Variants in BLID observed in about 807,000 individuals in gnomAD.
BLID encodes BH3-like motif-containing cell death inducer.
For missense variants in BLID, 136 were observed against 127.9 expected, an observed-to-expected ratio of 1.06 and a Z score of -0.31; for synonymous variants, 47 against 49.6, an observed-to-expected ratio of 0.95 and a Z score of 0.22.
At position 122,115,620 on chromosome 11, in the gene BLID, G is replaced by A; in HGVS notation, c.303C>T (p.Cys101=). 2 of 1,613,714 alleles carry A rather than the reference G, an allele frequency of 1.2e-6. No homozygotes were observed. The highest frequency in any genetic ancestry group is 1.7e-6 in the Non-Finnish European group (2 of 1,179,592). The change falls in exon 1 of 1, where the codon TGC becomes TGT. Residue 101 remains cysteine (C), a synonymous_variant. Coordinates refer to ENST00000560104, the MANE Select transcript of BLID (RefSeq NM_001001786.3). ...YLTRIQVTLL[C]NSSAEAL is the part of the protein sequence containing the mutation. ...TTTACAGGGCCTCAGCAGAGGAATT[G>A]CATAACAATGTAACTTGTATCCTGG... is the stretch of plus-strand genomic sequence containing the variant.
Position 122,115,397 on chromosome 11 carries a change from C to T in BLID, c.*199G>A. On this transcript the variant is annotated 3_prime_UTR_variant, in exon 1 of 1. Transcript: ENST00000560104. ...TAAATGCCATTTACTTTTAACTAGC[C>T]AGTTTATCCTTTTTAAAAATTTTAT... is the stretch of plus-strand genomic sequence containing the variant. 4 of 511,660 alleles carry T rather than the reference C, an allele frequency of 7.8e-6. No individual in the cohort carries two copies. Among genetic ancestry groups the T allele is most frequent in the East Asian group, 3.0e-5 (1 of 33,376 alleles). 31.7% of individuals were successfully genotyped at this position (511,660 alleles called of 1,614,324 possible).
At position 122,115,693 on chromosome 11, in the gene BLID, A is replaced by G; in HGVS notation, c.230T>C (p.Met77Thr). The G allele has an allele frequency of 6.2e-7, 1 of 1,614,068 alleles. No homozygotes were observed. Residue 77 changes from methionine (M) to threonine (T), a missense_variant, in exon 1 of 1, where the codon ATG becomes ACG. Transcript: ENST00000560104. ...CACATGTCCAGGAACATTCCGCTTC[A>G]TGGCAGAGGAGCCAAGATTGTACCT... is the stretch of plus-strand genomic sequence containing the variant. ...LKRYNLGSSA[M>T]KRNVPGHVLQ...
rs1423130033 is a variant in BLID at position 122,115,526 on chromosome 11, T to C, written c.*70A>G. 2 of 1,046,214 alleles carry C rather than the reference T, an allele frequency of 1.9e-6. No individual in the cohort carries two copies. The highest frequency in any genetic ancestry group is 1.5e-6 in the Non-Finnish European group (1 of 689,390). 64.8% of individuals were successfully genotyped at this position (1,046,214 alleles called of 1,614,324 possible). ...CTTATTGAAATCAAGTTTCCTTCTG[T>C]GTTGTGCAGCCTGAATAATGGGCGA... is the stretch of plus-strand genomic sequence containing the variant. On this transcript the variant is annotated 3_prime_UTR_variant, in exon 1 of 1. Coordinates refer to ENST00000560104, the MANE Select transcript of BLID (RefSeq NM_001001786.3).
chr11:122,115,751 T>C lies in BLID; in HGVS notation c.172A>G (p.Met58Val), dbSNP rs146932754. ...EALLGSNKEP[M>V]LPKETVLSLK... ...GAAAGCACTGTTTCCTTAGGCAACA[T>C]AGGTTCTTTGTTGGAACCCAAGAGC... The change falls in exon 1 of 1, where the codon ATG (methionine) becomes GTG (valine). Residue 58 changes from methionine (M) to valine (V), a missense_variant. Met to Val is a conservative substitution (Grantham distance 21, BLOSUM62 1). Transcript: ENST00000560104. The C allele has an allele frequency of 3.1e-6, 5 of 1,614,184 alleles. No homozygotes were observed. The highest frequency in any genetic ancestry group is 1.7e-5 in the Admixed American group (1 of 60,032).
chr11:122,115,772 A>G lies in BLID; in HGVS notation c.151T>C (p.Leu51=). Residue 51 remains leucine, a synonymous_variant, in exon 1 of 1, where the codon TTG becomes CTG. Transcript: ENST00000560104. ...AACATAGGTTCTTTGTTGGAACCCA[A>G]GAGCGCCTCCAGTGGCAGGCGTGCT... ...AKARLPLEAL[L]GSNKEPMLPK... is the part of the protein sequence containing the mutation. 1 of 1,614,196 alleles carries G rather than the reference A, an allele frequency of 6.2e-7. No homozygotes were observed. The highest frequency in any genetic ancestry group is 8.5e-7 in the Non-Finnish European group (1 of 1,180,018).
chr11:122,115,702 G>A lies in BLID; in HGVS notation c.221C>T (p.Ser74Phe). The change falls in exon 1 of 1, where the codon TCC (serine) becomes TTC (phenylalanine). Residue 74 changes from serine to phenylalanine, a missense_variant. Coordinates refer to ENST00000560104, the MANE Select transcript of BLID (RefSeq NM_001001786.3). ...VLSLKRYNLG[S>F]SAMKRNVPGH... ...AGGAACATTCCGCTTCATGGCAGAG[G>A]AGCCAAGATTGTACCTTTTAAGAGA... The A allele has an allele frequency of 6.2e-7, 1 of 1,614,146 alleles. No individual in the cohort carries two copies. The highest frequency in any genetic ancestry group is 8.5e-7 in the Non-Finnish European group (1 of 1,179,968).
Position 122,115,515 on chromosome 11 carries a change from G to T in BLID, c.*81C>A. On this transcript the variant is annotated 3_prime_UTR_variant, in exon 1 of 1. Coordinates refer to ENST00000560104, the MANE Select transcript of BLID (RefSeq NM_001001786.3). ...AAGAATTGGGTCTTATTGAAATCAA[G>T]TTTCCTTCTGTGTTGTGCAGCCTGA... The T allele has an allele frequency of 1.0e-6, 1 of 961,932 alleles. No homozygotes were observed. Among genetic ancestry groups the T allele is most frequent in the Non-Finnish European group, 1.6e-6 (1 of 625,216 alleles). The allele number at this position is 961,932 out of a possible 1,614,324, so 59.6% of individuals were successfully genotyped here. A position where few individuals can be genotyped will look rare whatever the true frequency, so the allele number is the denominator to read the frequency against.
Position 122,115,649 on chromosome 11 carries a change from A to T in BLID, c.274T>A (p.Leu92Ile), listed in dbSNP as rs371077829. 1 of 1,614,020 alleles carries T rather than the reference A, an allele frequency of 6.2e-7. No individual in the cohort carries two copies. Among genetic ancestry groups the T allele is most frequent in the African/African-American group, 1.3e-5 (1 of 74,934 alleles). ...PGHVLQRPSY[L>I]TRIQVTLLCN... The stretch of plus-strand genomic sequence containing the variant: ...AACAATGTAACTTGTATCCTGGTTA[A>T]ATAGGAAGGTCTCTGAAGCACATGT... Residue 92 changes from leucine (L) to isoleucine (I), a missense_variant, in exon 1 of 1, where the codon TTA becomes ATA. Coordinates refer to ENST00000560104, the MANE Select transcript of BLID (RefSeq NM_001001786.3).
chr11:122,116,088 T>C lies in BLID; in HGVS notation c.-166A>G, dbSNP rs771064164. On this transcript the variant is annotated 5_prime_UTR_variant, in exon 1 of 1. Transcript: ENST00000560104. ...TTCCTCCTCTTCCTTTCTTCCCAGC[T>C]CCTGCTATTCATGGAATTTCCCTTG... The C allele has an allele frequency of 1.7e-6, 1 of 583,960 alleles. No homozygotes were observed. Among genetic ancestry groups the C allele is most frequent in the Non-Finnish European group, 3.1e-6 (1 of 326,100 alleles). The allele number at this position is 583,960 out of a possible 1,614,324, so 36.2% of individuals were successfully genotyped here.
Position 122,115,846 on chromosome 11 carries a change from G to A in BLID, c.77C>T (p.Thr26Ile). Residue 26 changes from threonine (T) to isoleucine (I), a missense_variant, in exon 1 of 1, where the codon ACA (threonine) becomes ATA (isoleucine). Physicochemically the swap from Thr to Ile is moderately conservative, Grantham distance 89. Coordinates refer to ENST00000560104, the MANE Select transcript of BLID (RefSeq NM_001001786.3). ...EILESECVLY[T>I]GWIERASGSS... is the part of the protein sequence containing the mutation. ...GCCAGAGGCTCGCTCTATCCATCCT[G>A]TGTAGAGCACACACTCAGATTCTAG... The A allele has an allele frequency of 6.2e-7, 1 of 1,613,682 alleles. No homozygotes were observed. The highest frequency in any genetic ancestry group is 8.5e-7 in the Non-Finnish European group (1 of 1,179,608).
At position 122,116,129 on chromosome 11, in the gene BLID, T is replaced by C; in HGVS notation, c.-207A>G. ...ATTTCCCTTGATTTCAAGTGGCTAC[T>C]CACCAAAATCCTCAACTGAAAACAG... On this transcript the variant is annotated 5_prime_UTR_variant, in exon 1 of 1. Coordinates refer to ENST00000560104, the MANE Select transcript of BLID (RefSeq NM_001001786.3). The C allele has an allele frequency of 1.8e-6, 1 of 551,414 alleles. No homozygotes were observed. The highest frequency in any genetic ancestry group is 2.9e-5 in the East Asian group (1 of 34,168). 34.2% of individuals were successfully genotyped at this position (551,414 alleles called of 1,614,324 possible).
In BLID at chr11:122,115,716, C is replaced by T. The variant is rs767460237; in HGVS notation, c.207G>A (p.Arg69=). Residue 69 remains arginine, a synonymous_variant, in exon 1 of 1, where the codon AGG becomes AGA. Coordinates refer to ENST00000560104, the MANE Select transcript of BLID (RefSeq NM_001001786.3). The part of the protein sequence containing the change: ...LPKETVLSLK[R]YNLGSSAMKR... ...TCATGGCAGAGGAGCCAAGATTGTA[C>T]CTTTTAAGAGAAAGCACTGTTTCCT... 11 of 1,614,150 alleles carry T rather than the reference C, an allele frequency of 6.8e-6. No individual in the cohort carries two copies. The highest frequency in any genetic ancestry group is 8.5e-6 in the Non-Finnish European group (10 of 1,180,004).
At position 122,115,833 on chromosome 11, in the gene BLID, C is replaced by T. The variant is rs766873068; in HGVS notation, c.90G>A (p.Glu30=). Residue 30 remains glutamate (E), a synonymous_variant, in exon 1 of 1, where the codon GAG becomes GAA. Coordinates refer to ENST00000560104, the MANE Select transcript of BLID (RefSeq NM_001001786.3). ...SECVLYTGWI[E]RASGSSIYPE... ...GATAAATGGAACTGCCAGAGGCTCG[C>T]TCTATCCATCCTGTGTAGAGCACAC... 9.3e-6 allele frequency: 15 copies of T among 1,614,010 alleles called. No individual in the cohort carries two copies. The highest frequency in any genetic ancestry group is 1.3e-5 in the Non-Finnish European group (15 of 1,179,988).
Position 122,115,802 on chromosome 11 carries a change from C to G in BLID, c.121G>C (p.Ala41Pro). ...GCCTCCAGTGGCAGGCGTGCTTTTGCCTCTGGATAAATGGAACTGCCAGAG... is the reference window on the plus strand; with the variant it reads ...GCCTCCAGTGGCAGGCGTGCTTTTGGCTCTGGATAAATGGAACTGCCAGAG... ...RASGSSIYPE[A>P]KARLPLEALL... is the part of the protein sequence containing the mutation. The change falls in exon 1 of 1, where the codon GCA becomes CCA. Residue 41 changes from alanine to proline, a missense_variant. Ala to Pro is a conservative substitution (Grantham distance 27, BLOSUM62 -1). Coordinates refer to ENST00000560104, the MANE Select transcript of BLID (RefSeq NM_001001786.3). 3 of 1,614,154 alleles carry G rather than the reference C, an allele frequency of 1.9e-6. No individual in the cohort carries two copies. The highest frequency in any genetic ancestry group is 2.5e-6 in the Non-Finnish European group (3 of 1,180,012).
At position 122,115,813 on chromosome 11, in the gene BLID, A is replaced by G. The variant is rs1941204471; in HGVS notation, c.110T>C (p.Ile37Thr). Residue 37 changes from isoleucine (I) to threonine (T), a missense_variant, in exon 1 of 1, where the codon ATT (isoleucine) becomes ACT (threonine). Ile to Thr is a moderately conservative substitution (Grantham distance 89). Transcript: ENST00000560104. ...GWIERASGSSIYPEAKARLPL... is the reference protein window; with the variant it reads ...GWIERASGSSTYPEAKARLPL... Reference sequence around the variant, plus strand: ...CAGGCGTGCTTTTGCCTCTGGATAAATGGAACTGCCAGAGGCTCGCTCTAT... The same window carrying G: ...CAGGCGTGCTTTTGCCTCTGGATAAGTGGAACTGCCAGAGGCTCGCTCTAT... 3 of 1,613,986 alleles carry G rather than the reference A, an allele frequency of 1.9e-6. No individual in the cohort carries two copies. The highest frequency in any genetic ancestry group is 2.5e-6 in the Non-Finnish European group (3 of 1,179,936).
In BLID at chr11:122,116,200, C is replaced by T. The variant is rs1055608607; in HGVS notation, c.-278G>A. 1.0e-5 allele frequency: 4 copies of T among 384,228 alleles called. No homozygotes were observed. The highest frequency in any genetic ancestry group is 6.1e-5 in the South Asian group (1 of 16,346). The allele number at this position is 384,228 out of a possible 1,614,324, so 23.8% of individuals were successfully genotyped here. On this transcript the variant is annotated 5_prime_UTR_variant, in exon 1 of 1. Coordinates refer to ENST00000560104, the MANE Select transcript of BLID (RefSeq NM_001001786.3). The stretch of plus-strand genomic sequence containing the variant: ...TATTCAATTCTCTTCTCTCTTTTCT[C>T]CAAACACAACATCATCTGACCAAGG...
rs577690525 is a variant in BLID, at chr11:122,115,395, G to A, written c.*201C>T. The A allele has an allele frequency of 1.9e-6, 1 of 514,330 alleles. No homozygotes were observed. Among genetic ancestry groups the A allele is most frequent in the Admixed American group, 3.4e-5 (1 of 29,130 alleles). The allele number at this position is 514,330 out of a possible 1,614,324, so 31.9% of individuals were successfully genotyped here. ...ATTAAATGCCATTTACTTTTAACTA[G>A]CCAGTTTATCCTTTTTAAAAATTTT... is the stretch of plus-strand genomic sequence containing the variant. On this transcript the variant is annotated 3_prime_UTR_variant, in exon 1 of 1. Coordinates refer to ENST00000560104, the MANE Select transcript of BLID (RefSeq NM_001001786.3).
At chr11:122,115,848 G>T in the BLID span, 1 of 1,612,746 alleles carries the variant, frequency 6.2e-7, no homozygotes, top group Non-Finnish European at 8.5e-7. Flanking sequence ...TCCATCCTGT[G>T]TAGAGCACAC....
Position 122,115,445 on chromosome 11 carries a change from C to T in BLID, c.*151G>A. Reference sequence around the variant, plus strand: ...TATTGTTTCTCTGCACAATTTGAACCAAATTTGGAAAAGTTATGGGTAAAA... The same window carrying T: ...TATTGTTTCTCTGCACAATTTGAACTAAATTTGGAAAAGTTATGGGTAAAA... On this transcript the variant is annotated 3_prime_UTR_variant, in exon 1 of 1. Coordinates refer to ENST00000560104, the MANE Select transcript of BLID (RefSeq NM_001001786.3). 3.5e-6 allele frequency: 2 copies of T among 567,182 alleles called. No homozygotes were observed. Among genetic ancestry groups the T allele is most frequent in the South Asian group, 3.1e-5 (1 of 32,248 alleles). The allele number at this position is 567,182 out of a possible 1,614,324, so 35.1% of individuals were successfully genotyped here. A position where few individuals can be genotyped will look rare whatever the true frequency, so the allele number is the denominator to read the frequency against.
Sources: gnomAD v4.1 joint callset for allele counts on GRCh38, gnomAD v4.1.1 for gene constraint, MANE v1.5 for transcripts, NCBI Gene and HGNC (gene_info 2026-07-23, HGNC 2026-07-21) for gene names.